OSBPL9: variants seen among roughly 807,000 people sequenced by gnomAD.
OSBPL9 encodes the protein oxysterol binding protein like 9.
A neutral mutation model predicts 106.6 loss-of-function variants in OSBPL9; 40 were observed. That is an observed-to-expected ratio of 0.38 (90% confidence interval 0.29 to 0.49). The LOEUF (loss-of-function observed/expected upper bound fraction) is 0.49. OSBPL9 is among the 20% of genes least tolerant of loss of function. The pLI, the probability that OSBPL9 is intolerant of heterozygous loss-of-function variation, is 0.97. For missense variants in OSBPL9, 609 were observed against 887.2 expected (o/e 0.69, Z 3.98); for synonymous variants, 269 against 295.4 (o/e 0.91, Z 0.92).
intron 12 of OSBPL9, among the ~76,000 whole-genome samples, chr1:51,767,936 CTT>C (rs869092922): frequency 1.5e-3 from 97 of 65,036 alleles, no homozygotes; most frequent in African/African-American, 4.5e-3. Flanking sequence ...TAAAGACCGT[CTT>C]TTTTTTTTTT....
At chr1:51,711,267 T>C (rs1659755062) in intron 3 of OSBPL9, among the ~76,000 whole-genome samples, 2 of 149,922 alleles carry the variant, frequency 1.3e-5, no homozygotes, top group African/African-American at 4.9e-5. Flanking sequence ...GGCTCCTCAC[T>C]TCCCAGTAGG....
intron 1 of OSBPL9, among the ~76,000 whole-genome samples, chr1:51,642,011 C>A (rs764564592): frequency 6.6e-6 from 1 of 152,066 alleles, no homozygotes; most frequent in South Asian, 2.1e-4. Context: ...TGGTAGCTAG[C>A]GTAAAGGCCA....
upstream of OSBPL9, among the ~76,000 whole-genome samples, chr1:51,576,972 G>A (rs1645187997): frequency 2.6e-5 from 4 of 152,184 alleles, no homozygotes. Flanking sequence ...CAATGTTGGA[G>A]GTGGGGCATG....
At chr1:51,656,462 T>G (rs572012575) in intron 2 of OSBPL9, among the ~76,000 whole-genome samples, 72 of 152,278 alleles carry the variant, frequency 4.7e-4, no homozygotes, top group African/African-American at 1.7e-3. Context: ...CATTCCTCAT[T>G]GCTTCTGACT....
intron 15 of OSBPL9, among the ~76,000 whole-genome samples, chr1:51,779,904 C>T (rs959858676): frequency 3.3e-5 from 5 of 151,862 alleles, no homozygotes; most frequent in Non-Finnish European, 5.9e-5. Context: ...AGTGAAACCC[C>T]GTCTCTACTA....
At chr1:51,541,055 C>T in the OSBPL9 span, among the ~76,000 whole-genome samples, 10 of 151,534 alleles carry the variant, frequency 6.6e-5, no homozygotes, top group African/African-American at 1.9e-4. Flanking sequence ...CGCTTGAACC[C>T]GAGAGGCAGA....
intron 12 of OSBPL9, among the ~76,000 whole-genome samples, chr1:51,768,945 TTGTTTGTATATTC>T (rs1190191915): frequency 6.6e-6 from 1 of 152,242 alleles, no homozygotes; most frequent in Non-Finnish European, 1.5e-5. Flanking sequence ...TCACTCTTCC[TTGTTTGTATATTC>T]TAATCTAGAA....
chr1:51,761,255 GTTTTTTTT>G, intron 10 of OSBPL9, among the ~76,000 whole-genome samples: 1 of 136,902 alleles, frequency 7.3e-6, no homozygotes, highest in East Asian at 2.2e-4. Context: ...GTTTTGTTTT[GTTTTTTTT>G]TTTTTTGTAT....
chr1:51,782,472 A>ATCTCGGTGG, intron 16 of OSBPL9, 87 bp from the exon 17 acceptor site: 8 of 1,042,176 alleles, frequency 7.7e-6, no homozygotes, highest in South Asian at 2.9e-5. Context: ...GTGTGTGTAG[A>ATCTCGGTGG]GCGAGCAGAG....
At chr1:51,635,284 C>A (rs1468024069) in intron 1 of OSBPL9, among the ~76,000 whole-genome samples, 2 of 151,954 alleles carry the variant, frequency 1.3e-5, no homozygotes, top group African/African-American at 2.4e-5. Flanking sequence ...TAGATAGACC[C>A]CATCTGTATT....
chr1:51,521,100 T>A, the OSBPL9 span, among the ~76,000 whole-genome samples: 2 of 152,210 alleles, frequency 1.3e-5, no homozygotes, highest in East Asian at 3.8e-4. Flanking sequence ...AGAGGCTAAG[T>A]GATTTGCCCA....
intron 3 of OSBPL9, among the ~76,000 whole-genome samples, chr1:51,703,770 G>A (rs952139565): frequency 2.0e-5 from 3 of 152,188 alleles, no homozygotes; most frequent in African/African-American, 7.2e-5. Context: ...GATATTGGCT[G>A]TGGGTTTGTC....
At chr1:51,783,812 G>GGT in intron 17 of OSBPL9, 103 bp from the exon 18 acceptor site, 1 of 826,574 alleles carries the variant, frequency 1.2e-6, no homozygotes, top group East Asian at 2.6e-5. Context: ...CTGTTTGAAG[G>GGT]GTAAAGGATT....
intron 1 of OSBPL9, among the ~76,000 whole-genome samples, chr1:51,580,935 TATATATATATATATATATAAC>T (rs1645217693): frequency 8.3e-3 from 15 of 1,800 alleles, no homozygotes; most frequent in Admixed American, 0.013. Context: ...TATATATATA[TATATATATATATATATATAAC>T]TTTTTTGAAA....
chr1:51,757,253 A>T (rs886225146), intron 9 of OSBPL9, among the ~76,000 whole-genome samples: 2 of 152,126 alleles, frequency 1.3e-5, no homozygotes, highest in Non-Finnish European at 2.9e-5. Context: ...AAGCAGAAGT[A>T]AAATAAGCAT....
intron 22 of OSBPL9, 64 bp downstream of exon 22, chr1:51,786,681 C>T: frequency 7.4e-7 from 1 of 1,351,924 alleles, no homozygotes; most frequent in Non-Finnish European, 1.1e-6. Context: ...GGCGTAGGCA[C>T]AGGGCTGGGT....
intron 3 of OSBPL9, among the ~76,000 whole-genome samples, chr1:51,693,222 A>C (rs1655341209): frequency 6.6e-6 from 1 of 151,930 alleles, no homozygotes; most frequent in Non-Finnish European, 1.5e-5. Flanking sequence ...AAAAATAAAA[A>C]AAATTAGCCT....
In OSBPL9 at chr1:51,787,853, T is replaced by C. The variant is rs1355793703; in HGVS notation, c.*64T>C. On this transcript the variant is annotated 3_prime_UTR_variant, in exon 24 of 24. Transcript: ENST00000428468. ...GTAGGCATAATTCAGCAACAAACAA[T>C]CTTCCTTTGGGAGAAACCTGTTCAT... 6 of 1,418,492 alleles carry C rather than the reference T, an allele frequency of 4.2e-6. No homozygotes were observed. Among genetic ancestry groups the C allele is most frequent in the Non-Finnish European group, 6.0e-6 (6 of 1,005,044 alleles). The allele number at this position is 1,418,492 out of a possible 1,614,324, so 87.9% of individuals were successfully genotyped here.
At chr1:51,747,278 T>C (rs1056268841) in intron 6 of OSBPL9, among the ~76,000 whole-genome samples, 1 of 152,252 alleles carries the variant, frequency 6.6e-6, no homozygotes, top group Non-Finnish European at 1.5e-5. Flanking sequence ...AGAGTTTTAA[T>C]ATAATACCTT....
Sources: gnomAD v4.1 joint callset for allele counts (sites outside exome capture counted in the v4.1 genomes callset) on GRCh38, gnomAD v4.1.1 for gene constraint, MANE v1.5 for transcripts, NCBI Gene and HGNC (gene_info 2026-07-23, HGNC 2026-07-21) for gene names.